Variants in MARS1 observed in about 807,000 individuals in gnomAD.
The protein encoded by MARS1 is methionine--tRNA ligase, cytoplasmic.
In MARS1, 80 loss-of-function variants were observed where a neutral mutation model predicts 119.5. The observed-to-expected ratio is 0.67, with a 90% CI of 0.56 to 0.81. MARS1 has a LOEUF of 0.81. Ranked by LOEUF, MARS1 falls within the 30% of genes least tolerant of loss-of-function variation. The probability of loss-of-function intolerance (pLI) is 0.00; values close to 1 mark genes in which losing one functional copy is unlikely to be tolerated. For missense variants in MARS1, 945 were observed against 1,116.5 expected, an observed-to-expected ratio of 0.85 and a Z score of 2.19; for synonymous variants, 418 against 433.4, an observed-to-expected ratio of 0.96 and a Z score of 0.44.
intron 11 of MARS1, among the ~76,000 whole-genome samples, chr12:57,509,370 A>G (rs1173007501): frequency 6.6e-6 from 1 of 152,156 alleles, no homozygotes; most frequent in Non-Finnish European, 1.5e-5. Flanking sequence ...CTTTGCTACT[A>G]GGACCTTTTA....
intron 7 of MARS1, among the ~76,000 whole-genome samples, chr12:57,494,660 C>A (rs925867315): frequency 6.6e-6 from 1 of 151,800 alleles, no homozygotes; most frequent in African/African-American, 2.4e-5. Context: ...TGCAGCCTTC[C>A]GCAGTGTTTG....
At chr12:57,514,659 A>G in intron 15 of MARS1, 61 bp from the exon 16 acceptor site, 1 of 1,603,772 alleles carries the variant, frequency 6.2e-7, no homozygotes, top group Non-Finnish European at 8.5e-7. Flanking sequence ...AATTCTAACA[A>G]GGAGACGGGA....
intron 7 of MARS1, 25 bp from the exon 8 acceptor site, chr12:57,498,132 T>C (rs367772910): frequency 9.4e-5 from 142 of 1,510,906 alleles, no homozygotes; most frequent in Non-Finnish European, 1.2e-4. Flanking sequence ...CCCCATGCAC[T>C]GTTCTCTTCC....
At chr12:57,507,595 C>T (rs1406217807) in intron 11 of MARS1, among the ~76,000 whole-genome samples, 3 of 142,266 alleles carry the variant, frequency 2.1e-5, no homozygotes, top group Non-Finnish European at 3.1e-5. Flanking sequence ...GACGGGGCGG[C>T]TGGCCGGGCG....
At chr12:57,510,009 TTC>T (rs1420962811) in intron 11 of MARS1, among the ~76,000 whole-genome samples, 1 of 152,098 alleles carries the variant, frequency 6.6e-6, no homozygotes, top group Non-Finnish European at 1.5e-5. Flanking sequence ...GCCAAGTGTG[TTC>T]AAACAAAATT....
At position 57,489,458 on chromosome 12, in the gene MARS1, T is replaced by G; in HGVS notation, c.314T>G (p.Val105Gly). 1 of 1,614,134 alleles carries G rather than the reference T, an allele frequency of 6.2e-7. No homozygotes were observed. Among genetic ancestry groups the G allele is most frequent in the Non-Finnish European group, 8.5e-7 (1 of 1,180,034 alleles). The stretch of plus-strand genomic sequence containing the variant: ...TCTGCTGCCCTGTACTATTTAGTGG[T>G]CCAAGGCAAGAAGGGGGAAGATGTT... ...ALSAALYYLV[V>G]QGKKGEDVLG... Residue 105 changes from valine (V) to glycine (G), a missense_variant, in exon 4 of 21, where the codon GTC (valine) becomes GGC (glycine). Coordinates refer to ENST00000262027, the MANE Select transcript of MARS1 (RefSeq NM_004990.4).
chr12:57,496,209 G>T (rs1248571646), intron 7 of MARS1, among the ~76,000 whole-genome samples: 1 of 148,198 alleles, frequency 6.7e-6, no homozygotes, highest in Non-Finnish European at 1.5e-5. Flanking sequence ...AGTCTCACTA[G>T]GATGGAGTGA....
rs1204596829 is a variant in MARS1 at position 57,512,896 on chromosome 12, C to A, written c.1899C>A (p.Phe633Leu). Residue 633 changes from phenylalanine to leucine, a missense_variant, in exon 15 of 21, where the codon TTC becomes TTA. Transcript: ENST00000262027. Reference protein sequence around the residue: ...YIRPEGQDSAFSWTDLLLKNN... With the variant: ...YIRPEGQDSALSWTDLLLKNN... ...GGCCTGAGGGCCAGGACAGTGCTTT[C>A]TCCTGGACGGACCTGCTGCTGAAGA... 1 of 1,614,228 alleles carries A rather than the reference C, an allele frequency of 6.2e-7. No homozygotes were observed. The highest frequency in any genetic ancestry group is 8.5e-7 in the Non-Finnish European group (1 of 1,180,044).
Position 57,511,779 on chromosome 12 carries a change from T to G in MARS1, c.1450T>G (p.Ser484Ala). Residue 484 changes from serine (S) to alanine (A), a missense_variant, in exon 12 of 21, where the codon TCT becomes GCT. By Grantham distance (99) the Ser-to-Ala change is moderately conservative. Transcript: ENST00000262027. ...WTPNAQFITRSWLRDGLKPRC... is the reference protein window; with the variant it reads ...WTPNAQFITRAWLRDGLKPRC... The stretch of plus-strand genomic sequence containing the variant: ...ACCCAATGCCCAGTTTATCACCCGT[T>G]CTTGGCTTCGGGATGGCCTCAAGCC... The G allele has an allele frequency of 6.2e-7, 1 of 1,614,210 alleles. No individual in the cohort carries two copies. The highest frequency in any genetic ancestry group is 8.5e-7 in the Non-Finnish European group (1 of 1,180,042).
At chr12:57,492,669 T>TCTCTCACACACA (rs1217908969) in intron 7 of MARS1, among the ~76,000 whole-genome samples, 1 of 139,446 alleles carries the variant, frequency 7.2e-6, no homozygotes, top group African/African-American at 2.7e-5. Flanking sequence ...CGACTCCATT[T>TCTCTCACACACA]CACACACACA....
intron 9 of MARS1, 38 bp from the exon 10 acceptor site, chr12:57,500,283 C>T (rs1192571091): frequency 6.3e-7 from 1 of 1,587,642 alleles, no homozygotes; most frequent in Non-Finnish European, 8.6e-7. Flanking sequence ...ACCACGTCTT[C>T]TGACTGTCTC....
chr12:57,500,242 C>G, intron 9 of MARS1, 79 bp from the exon 10 acceptor site: 1 of 1,170,366 alleles, frequency 8.5e-7, no homozygotes, highest in African/African-American at 1.5e-5. Context: ...GAGTTTGGGT[C>G]CCTGGTTGGA....
At chr12:57,494,494 A>ATTTTTTT (rs59160934) in intron 7 of MARS1, among the ~76,000 whole-genome samples, 18 of 95,476 alleles carry the variant, frequency 1.9e-4, no homozygotes, top group African/African-American at 2.9e-4. Context: ...CGCCTGGCTA[A>ATTTTTTT]TTTTTTTTTT....
intron 11 of MARS1, among the ~76,000 whole-genome samples, chr12:57,507,716 C>A (rs1419387403): frequency 7.7e-6 from 1 of 129,612 alleles, no homozygotes; most frequent in East Asian, 2.5e-4. Context: ...TCTGGCCCCC[C>A]ACCTCCCTCC....
At chr12:57,514,092 A>G (rs1594834729) in intron 15 of MARS1, among the ~76,000 whole-genome samples, 1 of 148,898 alleles carries the variant, frequency 6.7e-6, no homozygotes, top group Admixed American at 6.7e-5. Context: ...AAAAAAAAGT[A>G]CTTGCCTAGA....
chr12:57,515,962 AG>A lies in MARS1; in HGVS notation c.2435del (p.Ser812IlefsTer2). ...AAAATTGGAAAATGACCAGATTGAA[AG>A]TTTAAGGCAGCGCTTTGGAGGGGGC... ...FQKLENDQIE[S>X]LRQRFGGGQA... is the part of the protein sequence containing the mutation. On this transcript the variant is annotated frameshift_variant, in exon 19 of 21. Coordinates refer to ENST00000262027, the MANE Select transcript of MARS1 (RefSeq NM_004990.4). LOFTEE classifies it high-confidence loss of function. 6.2e-7 allele frequency: 1 copy of A among 1,614,162 alleles called. No homozygotes were observed.
Position 57,516,006 on chromosome 12 carries a change from G to A in MARS1, c.2463+15G>A. 6.2e-7 allele frequency: 1 copy of A among 1,613,746 alleles called. No homozygotes were observed. The highest frequency in any genetic ancestry group is 1.7e-5 in the Admixed American group (1 of 60,010). Reference sequence around the variant, plus strand: ...GAGGGGGCCAGGTGAGAAAGCTAAAGGCTGTGCCCTCGCTCCACAACAGCC... The same window carrying A: ...GAGGGGGCCAGGTGAGAAAGCTAAAAGCTGTGCCCTCGCTCCACAACAGCC... On this transcript the variant is annotated intron_variant, in intron 19 of 20. Coordinates refer to ENST00000262027, the MANE Select transcript of MARS1 (RefSeq NM_004990.4).
chr12:57,490,091 T>C, intron 5 of MARS1, 116 bp from the exon 6 acceptor site: 3 of 1,444,620 alleles, frequency 2.1e-6, no homozygotes, highest in Non-Finnish European at 9.7e-7. Flanking sequence ...TAGCAGAAGA[T>C]GGTTGAGGGA....
intron 10 of MARS1, among the ~76,000 whole-genome samples, chr12:57,503,618 C>T (rs1565646376): frequency 6.6e-6 from 1 of 151,256 alleles, no homozygotes; most frequent in African/African-American, 2.4e-5. Context: ...GATCTTGGCT[C>T]ACTGCAACCT....
Sources: allele counts gnomAD v4.1 joint callset (sites outside exome capture counted in the v4.1 genomes callset), GRCh38; gene constraint gnomAD v4.1.1; transcripts MANE v1.5; gene names NCBI Gene and HGNC (gene_info 2026-07-23, HGNC 2026-07-21).